The following HNRNPA1 variants were observed in gnomAD, a reference collection of about 807,000 sequenced individuals.
HNRNPA1 encodes the protein heterogeneous nuclear ribonucleoprotein A1, also known as epididymis secretory sperm binding protein.
In HNRNPA1, 7 loss-of-function variants were observed where a neutral mutation model predicts 44.4. That is an observed-to-expected ratio of 0.16 (90% CI 0.09 to 0.30). The LOEUF is 0.30. Among genes scored for constraint, HNRNPA1 ranks in the 10% least tolerant of loss-of-function variants. HNRNPA1 has a pLI of 1.00. For synonymous variants in HNRNPA1, 169 were observed against 160.6 expected (o/e 1.05, Z -0.40); for missense variants, 193 against 465.8 (o/e 0.41, Z 5.39).
rs747201540 is a variant in HNRNPA1, at chr12:54,285,742, C to A, written c.*1198C>A. The A allele has an allele frequency of 2.6e-5, 4 of 152,040 alleles. No homozygotes were observed. The highest frequency in any genetic ancestry group is 5.9e-5 in the Non-Finnish European group (4 of 68,026). The allele number at this position is 152,040 out of a possible 1,614,324, so 9.4% of individuals were successfully genotyped here. On this transcript the variant is annotated 3_prime_UTR_variant, in exon 11 of 11. Transcript: ENST00000340913. The stretch of plus-strand genomic sequence containing the variant: ...ATAATGTGTTATTTGTACATAGATT[C>A]TTTTGAGCCTTACCTTTGGTGCTCT...
At chr12:54,281,563 GT>G in intron 2 of HNRNPA1, 61 bp downstream of exon 2, 1 of 1,213,128 alleles carries the variant, frequency 8.2e-7, no homozygotes. Context: ...TCTTGGTGCA[GT>G]CTTCTCCGAA....
intron 1 of HNRNPA1, chr12:54,281,164 G>A: frequency 1.4e-6 from 1 of 698,432 alleles, no homozygotes. Context: ...AGCCTTTGTT[G>A]CGCGTGCGTC....
At chr12:54,281,280 G>A in intron 1 of HNRNPA1, 106 bp from the exon 2 acceptor site, 1 of 742,748 alleles carries the variant, frequency 1.3e-6, no homozygotes, top group South Asian at 1.6e-5. Context: ...CGACCTGAAC[G>A]AACAATAAGT....
At chr12:54,283,414 A>G (rs560903334) in intron 8 of HNRNPA1, among the ~76,000 whole-genome samples, 180 bp downstream of exon 8, 2 of 152,252 alleles carry the variant, frequency 1.3e-5, no homozygotes, top group South Asian at 4.1e-4. Flanking sequence ...AATAGTAGAG[A>G]TAAGTGGATA....
At chr12:54,282,755 C>CT (rs1565880707) in intron 6 of HNRNPA1, 45 bp from the exon 7 acceptor site, 5 of 1,580,032 alleles carry the variant, frequency 3.2e-6, no homozygotes, top group Non-Finnish European at 3.5e-6. Flanking sequence ...CAGAATGTCA[C>CT]TTTAAGTCCA....
At chr12:54,281,749 C>T in intron 2 of HNRNPA1, 46 bp from the exon 3 acceptor site, 1 of 1,574,172 alleles carries the variant, frequency 6.4e-7, no homozygotes, top group South Asian at 1.2e-5. Flanking sequence ...ATGACAAAAG[C>T]TTTTGCGGTC....
rs201601842 is a variant in HNRNPA1 at position 54,282,179 on chromosome 12, T to C, written c.369T>C (p.Asp123=). The C allele has an allele frequency of 6.2e-7, 1 of 1,601,884 alleles. No homozygotes were observed. Among genetic ancestry groups the C allele is most frequent in the Non-Finnish European group, 8.5e-7 (1 of 1,174,072 alleles). ...ACACTGAAGAACATCACCTAAGAGA[T>C]TATTTTGAACAGTATGGAAAAATTG... ...KEDTEEHHLR[D]YFEQYGKIEV... is the part of the protein sequence containing the mutation. Residue 123 remains aspartate (D), a synonymous_variant, in exon 4 of 11, where the codon GAT becomes GAC. Transcript: ENST00000340913.
chr12:54,284,768 T>C lies in HNRNPA1; in HGVS notation c.*224T>C. 1 of 369,564 alleles carries C rather than the reference T, an allele frequency of 2.7e-6. No individual in the cohort carries two copies. The highest frequency in any genetic ancestry group is 5.3e-6 in the Non-Finnish European group (1 of 189,588). 22.9% of individuals were successfully genotyped at this position (369,564 alleles called of 1,614,324 possible). A position where few individuals can be genotyped will look rare whatever the true frequency, so the allele number is the denominator to read the frequency against. ...ATTTTAGTTTCTGTTCTGTGGAAAG[T>C]GTAAAGCATTCCAACAAAGGGTTTT... On this transcript the variant is annotated 3_prime_UTR_variant, in exon 11 of 11. Transcript: ENST00000340913.
At chr12:54,283,657 C>T (rs1592173295) in intron 8 of HNRNPA1, 155 bp from the exon 9 acceptor site, 5 of 749,344 alleles carry the variant, frequency 6.7e-6, no homozygotes, top group East Asian at 5.0e-5. Flanking sequence ...AACTGAATGC[C>T]TTTCCCAGAG....
At chr12:54,282,980 A>G (rs1944201065) in intron 7 of HNRNPA1, 99 bp from the exon 8 acceptor site, 1 of 1,498,236 alleles carries the variant, frequency 6.7e-7, no homozygotes, top group Non-Finnish European at 9.1e-7. Flanking sequence ...AACTTTGCCC[A>G]TAACACGCAT....
At chr12:54,284,143 T>C in intron 9 of HNRNPA1, 115 bp from the exon 10 acceptor site, 1 of 1,271,944 alleles carries the variant, frequency 7.9e-7, no homozygotes. Flanking sequence ...CCACCTCCCT[T>C]GTAGTAGGGC....
rs1425482487 is a variant in HNRNPA1 at position 54,286,805 on chromosome 12, C to T, written c.*2261C>T. On this transcript the variant is annotated 3_prime_UTR_variant, in exon 11 of 11. Coordinates refer to ENST00000340913, the MANE Select transcript of HNRNPA1 (RefSeq NM_031157.4). ...CAAAGTAAAAGAATGACAAGCTGTA[C>T]CTTAAACCAAAACACTTCGTAATCT... 1 of 152,190 alleles carries T rather than the reference C, an allele frequency of 6.6e-6. No individual in the cohort carries two copies. The highest frequency in any genetic ancestry group is 1.9e-4 in the East Asian group (1 of 5,194). The allele number at this position is 152,190 out of a possible 1,614,324, so 9.4% of individuals were successfully genotyped here.
chr12:54,282,000 C>T (rs929428267), intron 3 of HNRNPA1, 59 bp downstream of exon 3: 33 of 1,602,218 alleles, frequency 2.1e-5, no homozygotes, highest in Non-Finnish European at 2.7e-5. Context: ...CTGCTATGGA[C>T]TTAAGATTCG....
chr12:54,281,019 TATC>T (rs1342725961), intron 1 of HNRNPA1, 197 bp downstream of exon 1: 5 of 718,348 alleles, frequency 7.0e-6, no homozygotes, highest in Admixed American at 4.0e-5. Context: ...AACCATGAGT[TATC>T]ATGCGGGACT....
chr12:54,283,209 C>T lies in HNRNPA1; in HGVS notation c.882C>T (p.Gly294=), dbSNP rs751183479. The change falls in exon 8 of 11, where the codon GGC becomes GGT. Residue 294 remains glycine (G), a synonymous_variant. Coordinates refer to ENST00000340913, the MANE Select transcript of HNRNPA1 (RefSeq NM_031157.4). ...GCTATGACAGCTATAACAACGGAGG[C>T]GGAGGCGGCTTTGGCGGTGGTAGTG... The part of the protein sequence containing the change: ...SGSYDSYNNG[G]GGGFGGGSGS... The T allele has an allele frequency of 5.0e-6, 8 of 1,609,610 alleles. No homozygotes were observed. Among genetic ancestry groups the T allele is most frequent in the South Asian group, 4.4e-5 (4 of 90,590 alleles).
intron 7 of HNRNPA1, 75 bp from the exon 8 acceptor site, chr12:54,283,004 C>T (rs878989513): frequency 1.3e-6 from 2 of 1,550,472 alleles, no homozygotes; most frequent in Admixed American, 1.9e-5. Context: ...GTGAGCAGGC[C>T]TTCAGCCGTT....
intron 8 of HNRNPA1, chr12:54,283,589 CTCTT>C (rs1228043794): frequency 1.8e-5 from 11 of 604,688 alleles, no homozygotes; most frequent in Admixed American, 3.0e-5. Flanking sequence ...CTCTGAAAAT[CTCTT>C]TATTTTATGT....
rs1388889647 is a variant in HNRNPA1, at chr12:54,281,163, T to TG, written c.16-222dup. ...GCACCCCTACCGCCCAAGCCTTTGT[T>TG]GCGCGTGCGTCGGAAGGCGACTAGG... is the stretch of plus-strand genomic sequence containing the variant. On this transcript the variant is annotated intron_variant, in intron 1 of 10. Coordinates refer to ENST00000340913, the MANE Select transcript of HNRNPA1 (RefSeq NM_031157.4). The TG allele has an allele frequency of 1.3e-5, 9 of 698,624 alleles. No homozygotes were observed. In the East Asian group the frequency reaches 2.4e-4, roughly 19 times the overall value. 43.3% of individuals were successfully genotyped at this position (698,624 alleles called of 1,614,324 possible).
At position 54,280,748 on chromosome 12, in the gene HNRNPA1, C is replaced by A; in HGVS notation, c.-60C>A. 3 of 1,608,472 alleles carry A rather than the reference C, an allele frequency of 1.9e-6. No individual in the cohort carries two copies. In the South Asian group the frequency reaches 3.3e-5, roughly 18 times the overall value. On this transcript the variant is annotated 5_prime_UTR_variant, in exon 1 of 11. Transcript: ENST00000340913. Reference sequence around the variant, plus strand: ...GGCAGATACGTTCGTCAGCTTGCTCCTTTCTGCCCGTGGACGCCGCCGAAG... The same window carrying A: ...GGCAGATACGTTCGTCAGCTTGCTCATTTCTGCCCGTGGACGCCGCCGAAG...
Sources: allele counts gnomAD v4.1 joint callset (sites outside exome capture counted in the v4.1 genomes callset), GRCh38; gene constraint gnomAD v4.1.1; transcripts MANE v1.5; gene names NCBI Gene and HGNC (gene_info 2026-07-23, HGNC 2026-07-21).